LIN52: variants seen among roughly 807,000 people sequenced by gnomAD.
LIN52 encodes the protein lin-52 DREAM MuvB core complex component, also known as protein lin-52 homolog.
A neutral mutation model predicts 18.5 loss-of-function variants in LIN52; 4 were observed. That is an observed-to-expected ratio of 0.22 (90% CI 0.11 to 0.49). The LOEUF is 0.49. Among genes scored for constraint, LIN52 ranks in the 20% least tolerant of loss-of-function variants. LIN52 has a pLI of 0.97. For synonymous variants in LIN52, 34 were observed against 45.5 expected, an observed-to-expected ratio of 0.75 and a Z score of 1.02; for missense variants, 102 against 139.5, an observed-to-expected ratio of 0.73 and a Z score of 1.35.
chr14:74,182,858 G>A (rs1164412726), intron 5 of LIN52, among the ~76,000 whole-genome samples: 1 of 152,078 alleles, frequency 6.6e-6, no homozygotes, highest in African/African-American at 2.4e-5. Context: ...TGTTTTATGG[G>A]CAAAGTGAAA....
At chr14:74,130,295 T>TTTTTTTTTTTTTTTTTC (rs1315000657) in intron 5 of LIN52, among the ~76,000 whole-genome samples, 1 of 140,276 alleles carries the variant, frequency 7.1e-6, no homozygotes, top group Non-Finnish European at 1.6e-5. Flanking sequence ...TTTTTTTTTT[T>TTTTTTTTTTTTTTTTTC]TGAGACAGTC....
chr14:74,135,791 C>A (rs1031326540), intron 5 of LIN52, among the ~76,000 whole-genome samples: 1 of 151,572 alleles, frequency 6.6e-6, no homozygotes, highest in Admixed American at 6.6e-5. Context: ...CTTTGTCAGT[C>A]ATTTCTTGTC....
chr14:74,180,204 C>A (rs1392061060), intron 5 of LIN52, among the ~76,000 whole-genome samples: 3 of 151,890 alleles, frequency 2.0e-5, no homozygotes, highest in African/African-American at 7.2e-5. Flanking sequence ...TGCATAGTGT[C>A]TACACCGAGG....
At chr14:74,162,518 C>G (rs888240788) in intron 5 of LIN52, among the ~76,000 whole-genome samples, 5 of 148,528 alleles carry the variant, frequency 3.4e-5, no homozygotes, top group African/African-American at 1.2e-4. Context: ...ACCCTCTTAG[C>G]CACATTGAAT....
At chr14:74,091,965 C>A (rs1466922282) in intron 2 of LIN52, among the ~76,000 whole-genome samples, 1 of 151,862 alleles carries the variant, frequency 6.6e-6, no homozygotes, top group East Asian at 1.9e-4. Context: ...AATAAGGAGC[C>A]ATTAAACAAT....
At chr14:74,167,527 A>C (rs12879392) in intron 5 of LIN52, among the ~76,000 whole-genome samples, 2,376 of 152,216 alleles carry the variant, frequency 0.016, 24 homozygotes, top group Non-Finnish European at 0.025. Flanking sequence ...CAGCCTCCCA[A>C]AGTGTTGGGA....
chr14:74,089,010 C>T (rs759588893), intron 1 of LIN52, among the ~76,000 whole-genome samples: 4 of 152,030 alleles, frequency 2.6e-5, no homozygotes, highest in Non-Finnish European at 4.4e-5. Flanking sequence ...GAGAGAGACA[C>T]GAACTGATTG....
intron 5 of LIN52, 103 bp from the exon 6 acceptor site, chr14:74,198,819 A>T (rs1175039005): frequency 2.0e-5 from 17 of 858,756 alleles, no homozygotes; most frequent in Non-Finnish European, 2.8e-5. Context: ...TAGCAACTTG[A>T]TATATAATTT....
rs2060949598 is a variant in LIN52 at position 74,114,196 on chromosome 14, G to GTGTA, written c.283+12961_283+12962insATGT. 5.1e-6 allele frequency: 5 copies of GTGTA among 983,660 alleles called. No homozygotes were observed. In the South Asian group the frequency reaches 1.4e-4, roughly 28 times the overall value. 60.9% of individuals were successfully genotyped at this position (983,660 alleles called of 1,614,324 possible). A position where few individuals can be genotyped will look rare whatever the true frequency, so the allele number is the denominator to read the frequency against. On this transcript the variant is annotated intron_variant, in intron 5 of 5. Transcript: ENST00000555028. ...GATTAGTGTGTGTGTGTGTGTGTGT[G>GTGTA]TGTGTGTGTGTGTGTGTAGTTTTAA...
intron 5 of LIN52, among the ~76,000 whole-genome samples, chr14:74,170,626 T>C (rs894367388): frequency 6.6e-6 from 1 of 152,040 alleles, no homozygotes; most frequent in Non-Finnish European, 1.5e-5. Context: ...AAGGAAGAGA[T>C]AGAAAAGTTA....
At chr14:74,086,756 AAAG>A (rs2060734922) in intron 1 of LIN52, among the ~76,000 whole-genome samples, 1 of 152,198 alleles carries the variant, frequency 6.6e-6, no homozygotes, top group African/African-American at 2.4e-5. Flanking sequence ...CTCTTGCCAG[AAAG>A]AAGGGCATTT....
chr14:74,190,594 G>T (rs1462682117), intron 5 of LIN52, among the ~76,000 whole-genome samples: 2 of 151,800 alleles, frequency 1.3e-5, no homozygotes, highest in African/African-American at 4.8e-5. Context: ...GTTCCACCAT[G>T]CTGCCCAGGC....
intron 4 of LIN52, among the ~76,000 whole-genome samples, chr14:74,100,625 G>A (rs1198098833): frequency 2.0e-5 from 3 of 152,120 alleles, no homozygotes; most frequent in African/African-American, 7.2e-5. Flanking sequence ...ACAGGCGCCT[G>A]CCACCACACC....
chr14:74,110,557 G>C (rs1240130593), intron 5 of LIN52, among the ~76,000 whole-genome samples: 1 of 152,018 alleles, frequency 6.6e-6, no homozygotes, highest in Non-Finnish European at 1.5e-5. Context: ...ATAGTCCCAG[G>C]TACTCAGGAG....
chr14:74,130,611 T>C (rs2061060540), intron 5 of LIN52, among the ~76,000 whole-genome samples: 1 of 144,406 alleles, frequency 6.9e-6, no homozygotes, highest in Non-Finnish European at 1.5e-5. Context: ...TTTTTTTTTT[T>C]TGAGACGGAG....
intron 5 of LIN52, among the ~76,000 whole-genome samples, chr14:74,175,054 T>C (rs2061287044): frequency 4.4e-5 from 2 of 45,058 alleles, no homozygotes; most frequent in African/African-American, 1.5e-4. Context: ...TGTACACCTG[T>C]ATAGGGTACT....
At chr14:74,092,033 G>T (rs1028879451) in intron 2 of LIN52, among the ~76,000 whole-genome samples, 3 of 151,826 alleles carry the variant, frequency 2.0e-5, no homozygotes, top group African/African-American at 7.3e-5. Flanking sequence ...GAGTGCAGTG[G>T]TGCACTCGGG....
intron 5 of LIN52, among the ~76,000 whole-genome samples, chr14:74,194,564 G>A (rs145355109): frequency 1.3e-5 from 2 of 152,320 alleles, no homozygotes; most frequent in Non-Finnish European, 2.9e-5. Flanking sequence ...CTATCCATTT[G>A]CTGTCTCTCA....
At chr14:74,109,501 GTT>G (rs978048075) in intron 5 of LIN52, among the ~76,000 whole-genome samples, 1 of 152,144 alleles carries the variant, frequency 6.6e-6, no homozygotes, top group Non-Finnish European at 1.5e-5. Flanking sequence ...AAATGTGAAG[GTT>G]TATTTCTAGA....
Sources: allele counts gnomAD v4.1 joint callset (sites outside exome capture counted in the v4.1 genomes callset), GRCh38; gene constraint gnomAD v4.1.1; transcripts MANE v1.5; gene names NCBI Gene and HGNC (gene_info 2026-07-23, HGNC 2026-07-21).